SYT1: variants seen among roughly 807,000 people sequenced by gnomAD.
The protein encoded by SYT1 is synaptotagmin 1.
SYT1 carries 8 observed loss-of-function variants against 44.8 expected under a neutral mutation model. That is an observed-to-expected ratio of 0.18 (90% CI 0.10 to 0.32). The LOEUF (loss-of-function observed/expected upper bound fraction) is 0.32. Ranked by LOEUF, SYT1 falls within the 10% of genes least tolerant of loss-of-function variation. The pLI is 1.00. For missense variants in SYT1, 286 were observed against 509.3 expected (o/e 0.56, Z 4.22); for synonymous variants, 154 against 188.8 (o/e 0.82, Z 1.51).
At chr12:78,874,017 G>A (rs918399570) in intron 1 of SYT1, among the ~76,000 whole-genome samples, 1 of 151,534 alleles carries the variant, frequency 6.6e-6, no homozygotes, top group Admixed American at 6.6e-5. Context: ...ATGAAACATA[G>A]GATAGGTATT....
chr12:79,145,559 A>C (rs1208237773), intron 3 of SYT1, among the ~76,000 whole-genome samples: 1 of 152,174 alleles, frequency 6.6e-6, no homozygotes, highest in Admixed American at 6.5e-5. Context: ...ATGATTTTAC[A>C]TATTAAAATT....
At chr12:79,239,686 A>C (rs2138646741) in intron 4 of SYT1, among the ~76,000 whole-genome samples, 1 of 152,376 alleles carries the variant, frequency 6.6e-6, no homozygotes, top group Middle Eastern at 3.4e-3. Flanking sequence ...TACATGAATT[A>C]GAAATCCAAG....
intron 1 of SYT1, among the ~76,000 whole-genome samples, chr12:78,949,585 A>C (rs1156240662): frequency 6.6e-6 from 1 of 152,004 alleles, no homozygotes; most frequent in African/African-American, 2.4e-5. Flanking sequence ...TGACAATGGC[A>C]AATGTTTCTG....
intron 3 of SYT1, among the ~76,000 whole-genome samples, chr12:79,185,097 A>T (rs1235419428): frequency 6.6e-6 from 1 of 151,990 alleles, no homozygotes; most frequent in Non-Finnish European, 1.5e-5. Context: ...TGTACTACTG[A>T]TCCTCAGGAG....
intron 7 of SYT1, among the ~76,000 whole-genome samples, chr12:79,297,913 A>G (rs1258409747): frequency 1.3e-5 from 2 of 152,174 alleles, no homozygotes; most frequent in East Asian, 3.8e-4. Context: ...AGGAGCTACT[A>G]ATCATTCAAA....
chr12:79,433,937 C>T (rs75494439), intron 9 of SYT1, among the ~76,000 whole-genome samples: 1,624 of 152,272 alleles, frequency 0.011, 38 homozygotes, highest in African/African-American at 0.037. Flanking sequence ...CTTTCTTTGC[C>T]ATATCCTTGT....
chr12:79,297,544 TA>T (rs1592941023), intron 7 of SYT1, among the ~76,000 whole-genome samples: 3 of 152,066 alleles, frequency 2.0e-5, no homozygotes, highest in African/African-American at 7.2e-5. Context: ...ATTATTTCTT[TA>T]AAAAATGCTA....
chr12:79,421,610 A>G (rs1869121949), intron 9 of SYT1, among the ~76,000 whole-genome samples: 1 of 152,062 alleles, frequency 6.6e-6, no homozygotes, highest in Non-Finnish European at 1.5e-5. Context: ...GTTGGTTGGT[A>G]TACATATTGC....
intron 6 of SYT1, among the ~76,000 whole-genome samples, chr12:79,295,370 A>G (rs1379239434): frequency 1.3e-5 from 2 of 152,178 alleles, no homozygotes; most frequent in Non-Finnish European, 2.9e-5. Flanking sequence ...TGGTGTTTGG[A>G]AAAAATAAAA....
At chr12:79,289,930 T>C (rs1879496710) in intron 5 of SYT1, among the ~76,000 whole-genome samples, 1 of 151,146 alleles carries the variant, frequency 6.6e-6, no homozygotes, top group South Asian at 2.1e-4. Context: ...TCACGTTACC[T>C]TTAGTGACCA....
At position 79,218,077 on chromosome 12, in the gene SYT1, A is replaced by G. The variant is rs977431655; in HGVS notation, c.166+392A>G. On this transcript the variant is annotated intron_variant, in intron 4 of 10. Coordinates refer to ENST00000261205, the MANE Select transcript of SYT1 (RefSeq NM_005639.3). ...ACAATAGCTAAGGTTTGCTTTCCCA[A>G]TATCGCAGGTTTGATTTTCTGTCAT... Among the ~76,000 whole-genome samples the G allele has an allele frequency of 2.0e-5, 3 of 152,128 alleles. No homozygotes were observed. In the South Asian group the frequency reaches 6.2e-4, roughly 31 times the overall value.
intron 9 of SYT1, among the ~76,000 whole-genome samples, chr12:79,415,096 TA>T (rs1441341724): frequency 2.6e-5 from 4 of 152,132 alleles, no homozygotes; most frequent in Non-Finnish European, 5.9e-5. Flanking sequence ...TTTGCTTGCT[TA>T]TTTACAATTT....
chr12:79,370,238 G>A (rs980963474), intron 9 of SYT1, among the ~76,000 whole-genome samples: 1 of 152,142 alleles, frequency 6.6e-6, no homozygotes, highest in African/African-American at 2.4e-5. Flanking sequence ...CATGCAGAGG[G>A]CAGATACAGT....
intron 9 of SYT1, among the ~76,000 whole-genome samples, chr12:79,356,783 T>C (rs1015631941): frequency 6.6e-6 from 1 of 152,214 alleles, no homozygotes; most frequent in Non-Finnish European, 1.5e-5. Context: ...ATGAGAGGAC[T>C]TTGTTGATGA....
intron 2 of SYT1, among the ~76,000 whole-genome samples, chr12:79,029,532 C>T (rs1175397215): frequency 6.6e-6 from 1 of 151,050 alleles, no homozygotes; most frequent in Non-Finnish European, 1.5e-5. Flanking sequence ...GAAATATTTG[C>T]AACTTCTGAT....
At chr12:78,968,320 A>G (rs983529014) in intron 1 of SYT1, among the ~76,000 whole-genome samples, 7 of 152,098 alleles carry the variant, frequency 4.6e-5, no homozygotes, top group African/African-American at 1.7e-4. Flanking sequence ...TATTGAATGT[A>G]CATGTAGTTT....
chr12:79,207,555 C>T (rs1874197493), intron 3 of SYT1, among the ~76,000 whole-genome samples: 2 of 152,036 alleles, frequency 1.3e-5, no homozygotes, highest in Non-Finnish European at 1.5e-5. Flanking sequence ...GTGTTGTTCC[C>T]CTCCCTGTGT....
chr12:79,305,489 T>A (rs753925669), intron 8 of SYT1, among the ~76,000 whole-genome samples: 1 of 151,734 alleles, frequency 6.6e-6, no homozygotes, highest in Non-Finnish European at 1.5e-5. Flanking sequence ...ACCTATCCTA[T>A]AAACACAAAT....
chr12:79,143,945 G>A (rs879506187), intron 3 of SYT1, among the ~76,000 whole-genome samples: 2 of 152,108 alleles, frequency 1.3e-5, no homozygotes, highest in South Asian at 2.1e-4. Context: ...TGGGAGATGC[G>A]GTCCTCTGCT....
Sources: allele counts gnomAD v4.1 joint callset (sites outside exome capture counted in the v4.1 genomes callset), GRCh38; gene constraint gnomAD v4.1.1; transcripts MANE v1.5; gene names NCBI Gene and HGNC (gene_info 2026-07-23, HGNC 2026-07-21).